The following TENM1 variants were observed in gnomAD, a reference collection of about 807,000 sequenced individuals.
TENM1 encodes the protein teneurin-1.
In TENM1, 35 loss-of-function variants were observed where a neutral mutation model predicts 174.8. The ratio of observed to expected loss-of-function variants is 0.20; its 90% CI spans 0.15 to 0.27. The LOEUF is 0.27. Among genes scored for constraint, TENM1 ranks in the 10% least tolerant of loss-of-function variants. The probability of loss-of-function intolerance (pLI) is 1.00; values close to 1 mark genes in which losing one functional copy is unlikely to be tolerated. For synonymous variants in TENM1, 781 were observed against 798.7 expected, an observed-to-expected ratio of 0.98 and a Z score of 0.37; for missense variants, 1,633 against 2,130.1, an observed-to-expected ratio of 0.77 and a Z score of 4.59.
chrX:124,963,862 T>C (rs1470858937), upstream of TENM1: 9 of 651,808 alleles, frequency 1.4e-5, no homozygotes, highest in Non-Finnish European at 2.1e-5. Flanking sequence ...GATTTATCTT[T>C]TTGTGAGGAA....
chrX:124,731,660 C>T (rs182138630), intron 4 of TENM1, among the ~76,000 whole-genome samples: 92 of 111,567 alleles, frequency 8.2e-4, no homozygotes, highest in African/African-American at 2.4e-3. Flanking sequence ...AGTTTGTGAG[C>T]GCTTAGGAAA....
chrX:124,895,052 G>T (rs111410933), intron 2 of TENM1, among the ~76,000 whole-genome samples: 1 of 111,532 alleles, frequency 9.0e-6, no homozygotes, highest in Non-Finnish European at 1.9e-5. Context: ...TAACTAGTAG[G>T]CAACCTCTAA....
chrX:124,840,052 T>C (rs978454240), intron 3 of TENM1, among the ~76,000 whole-genome samples: 22 of 111,980 alleles, frequency 2.0e-4, no homozygotes, highest in Admixed American at 4.8e-4. Flanking sequence ...CAAATGACGA[T>C]AATAATATTG....
intron 3 of TENM1, among the ~76,000 whole-genome samples, chrX:124,822,261 T>TG (rs2056054949): frequency 8.9e-6 from 1 of 112,290 alleles, no homozygotes; most frequent in Admixed American, 9.4e-5. Context: ...CATGAAGAGA[T>TG]GAATCCTGGT....
chrX:125,080,053 C>A, the TENM1 span, among the ~76,000 whole-genome samples: 1 of 103,721 alleles, frequency 9.6e-6, no homozygotes, highest in African/African-American at 3.3e-5. Context: ...CCTCCAGATA[C>A]GTTTCCTAGC....
rs2048920967 is a variant in TENM1 at position 124,565,502 on chromosome X, A to G, written c.2136T>C (p.Cys712=). The change falls in exon 12 of 32, where the codon TGT becomes TGC. Residue 712 remains cysteine, a synonymous_variant. Transcript: ENST00000422452. Reference sequence around the variant, plus strand: ...ATGTTGGTCCTACCCAGCCTTCTTCACACTGGCAAATTCCTCTTGAGCAGA... The same window carrying G: ...ATGTTGGTCCTACCCAGCCTTCTTCGCACTGGCAAATTCCTCTTGAGCAGA... 2.5e-6 allele frequency: 3 copies of G among 1,209,974 alleles called. No homozygotes were observed. The African/African-American group carries it at 5.2e-5, about 21-fold the overall frequency.
At chrX:125,137,972 C>A in the TENM1 span, among the ~76,000 whole-genome samples, 1 of 111,849 alleles carries the variant, frequency 8.9e-6, no homozygotes, top group Admixed American at 9.5e-5. Flanking sequence ...TTCCCTCATG[C>A]TGGAGGCCTG....
chrX:125,118,610 G>T, the TENM1 span, among the ~76,000 whole-genome samples: 2 of 111,130 alleles, frequency 1.8e-5, no homozygotes, highest in African/African-American at 3.3e-5. Flanking sequence ...CAAAACATTT[G>T]AAGTGACACT....
At chrX:124,463,875 GTGGAGAGA>G (rs1056402042) in intron 22 of TENM1, among the ~76,000 whole-genome samples, 2 of 103,605 alleles carry the variant, frequency 1.9e-5, no homozygotes, top group African/African-American at 7.4e-5. Flanking sequence ...GTGTGTGTGT[GTGGAGAGA>G]GAGAGAGAGA....
chrX:125,038,747 C>A, the TENM1 span, among the ~76,000 whole-genome samples: 31 of 111,039 alleles, frequency 2.8e-4, no homozygotes, highest in Non-Finnish European at 5.5e-4. Flanking sequence ...TATAATTGAC[C>A]TAGACCTTTA....
At position 124,852,399 on chromosome X, in the gene TENM1, T is replaced by C. The variant is rs141330770; in HGVS notation, c.535+41897A>G. 6.2e-3 allele frequency among the ~76,000 whole-genome samples: 678 copies of C among 109,662 alleles called. 5 individuals carry two copies. The highest frequency in any genetic ancestry group is 0.022 in the African/African-American group (651 of 30,251). On this transcript the variant is annotated intron_variant, in intron 3 of 31. Coordinates refer to ENST00000422452, the Ensembl canonical transcript of TENM1. ...GGAGGTAAGGCAGAGGTGAAGAAGA[T>C]GGAGAAAAAGGAATATGTTAGAAAT...
chrX:124,708,110 A>G (rs981616840), intron 4 of TENM1, among the ~76,000 whole-genome samples: 5 of 112,687 alleles, frequency 4.4e-5, no homozygotes, highest in Non-Finnish European at 7.5e-5. Flanking sequence ...TTTAATGTAC[A>G]ACAAAAAATT....
chrX:125,192,965 G>A, the TENM1 span, among the ~76,000 whole-genome samples: 253 of 110,634 alleles, frequency 2.3e-3, 1 homozygote, highest in Non-Finnish European at 2.3e-3. Flanking sequence ...TGAAGGTTGA[G>A]GTTTTTTTCA....
intron 18 of TENM1, among the ~76,000 whole-genome samples, chrX:124,504,680 C>T (rs904200028): frequency 1.5e-4 from 17 of 111,584 alleles, no homozygotes; most frequent in African/African-American, 4.9e-4. Flanking sequence ...TCTGCCATAG[C>T]TTTCGAGTAC....
intron 22 of TENM1, among the ~76,000 whole-genome samples, chrX:124,481,055 A>G (rs1463755541): frequency 8.9e-6 from 1 of 111,896 alleles, no homozygotes; most frequent in Non-Finnish European, 1.9e-5. Flanking sequence ...TTGGTCTTTG[A>G]AGACTGAGAA....
intron 6 of TENM1, 138 bp downstream of exon 9, chrX:124,671,545 T>G: frequency 1.8e-6 from 1 of 559,625 alleles, no homozygotes; most frequent in Non-Finnish European, 2.7e-6. Context: ...GATATTTACA[T>G]GCATTTATTC....
chrX:125,194,114 T>C, the TENM1 span, among the ~76,000 whole-genome samples: 1 of 110,979 alleles, frequency 9.0e-6, no homozygotes, highest in Non-Finnish European at 1.9e-5. Flanking sequence ...GCACAATCCA[T>C]CTCCATCTGG....
chrX:124,626,072 C>T (rs1033431970), intron 11 of TENM1, among the ~76,000 whole-genome samples: 2 of 110,815 alleles, frequency 1.8e-5, no homozygotes, highest in African/African-American at 6.6e-5. Context: ...ACCAGAGTGT[C>T]GGTGATCTGA....
chrX:124,673,483 C>A (rs2051975864), intron 5 of TENM1, among the ~76,000 whole-genome samples: 1 of 111,640 alleles, frequency 9.0e-6, no homozygotes, highest in Non-Finnish European at 1.9e-5. Flanking sequence ...TAAAAACATC[C>A]TTTGCAGAAA....
Sources: gnomAD v4.1 joint callset for allele counts (sites outside exome capture counted in the v4.1 genomes callset) on GRCh38, gnomAD v4.1.1 for gene constraint, MANE v1.5 for transcripts, NCBI Gene and HGNC (gene_info 2026-07-23, HGNC 2026-07-21) for gene names.